Variants in PLCXD3 observed in about 807,000 individuals in gnomAD.
PLCXD3 encodes the protein PI-PLC X domain-containing protein 3.
In PLCXD3, 19 loss-of-function variants were observed where a neutral mutation model predicts 25.5. That is an observed-to-expected ratio of 0.75 (90% CI 0.52 to 1.09). PLCXD3 has a LOEUF of 1.09. PLCXD3 is among the 50% of genes least tolerant of loss of function. The probability of loss-of-function intolerance (pLI) is 0.00; values close to 1 mark genes in which losing one functional copy is unlikely to be tolerated. For synonymous variants in PLCXD3, 174 were observed against 137.6 expected (o/e 1.26, Z -1.85); for missense variants, 411 against 388.1 (o/e 1.06, Z -0.50).
intron 1 of PLCXD3, among the ~76,000 whole-genome samples, chr5:41,460,261 T>C (rs1438393628): frequency 6.6e-6 from 1 of 151,900 alleles, no homozygotes; most frequent in East Asian, 1.9e-4. Flanking sequence ...TAATTCTCAA[T>C]GGTGTTGGCT....
At chr5:41,436,732 A>G (rs978089435) in intron 1 of PLCXD3, among the ~76,000 whole-genome samples, 5 of 152,218 alleles carry the variant, frequency 3.3e-5, no homozygotes, top group Non-Finnish European at 7.3e-5. Context: ...GAAGAAATCA[A>G]AAACTACTTC....
rs112726707 is a variant in PLCXD3, at chr5:41,426,872, G to T, written c.104-44338C>A. 7.9e-3 allele frequency among the ~76,000 whole-genome samples: 1,206 copies of T among 152,050 alleles called. 23 individuals are homozygous for T. The highest frequency in any genetic ancestry group is 0.028 in the African/African-American group (1,143 of 41,518). ...TTTTCTGAAAATGTCTATATTTTGT[G>T]CTCATTTAATAATAATCTATCTAAA... On this transcript the variant is annotated intron_variant, in intron 1 of 2. Coordinates refer to ENST00000377801, the MANE Select transcript of PLCXD3 (RefSeq NM_001005473.3).
Position 41,338,782 on chromosome 5 carries a change from C to G in PLCXD3, c.813-25012G>C, listed in dbSNP as rs372133884. ...TATCTTCCCTTATTCTTCTTAAATA[C>G]CCCCATTTACTTTCCTTAGATTTTT... On this transcript the variant is annotated intron_variant, in intron 2 of 2. Coordinates refer to ENST00000377801, the MANE Select transcript of PLCXD3 (RefSeq NM_001005473.3). Among the ~76,000 whole-genome samples the G allele has an allele frequency of 3.9e-5, 6 of 152,198 alleles. 1 individual carries two copies. Among genetic ancestry groups the G allele is most frequent in the African/African-American group, 1.4e-4 (6 of 41,538 alleles).
intron 2 of PLCXD3, among the ~76,000 whole-genome samples, chr5:41,365,532 C>T (rs895628886): frequency 5.1e-4 from 78 of 152,326 alleles, no homozygotes; most frequent in African/African-American, 1.8e-3. Flanking sequence ...AGGACTGCCT[C>T]TCCAGTCCCC....
chr5:41,339,215 A>G (rs1283128761), intron 2 of PLCXD3, among the ~76,000 whole-genome samples: 3 of 152,124 alleles, frequency 2.0e-5, no homozygotes, highest in Non-Finnish European at 4.4e-5. Context: ...TAAAGCATGC[A>G]GGAGCTGAGA....
At chr5:41,345,381 C>T (rs539986832) in intron 2 of PLCXD3, among the ~76,000 whole-genome samples, 1 of 152,204 alleles carries the variant, frequency 6.6e-6, no homozygotes. Flanking sequence ...GAAATTGGAA[C>T]CCATTATGCT....
intron 1 of PLCXD3, among the ~76,000 whole-genome samples, chr5:41,404,380 G>A (rs752367847): frequency 8.6e-5 from 13 of 151,466 alleles, no homozygotes; most frequent in Admixed American, 4.6e-4. Flanking sequence ...GGTATAACTC[G>A]GCACAAACAT....
intron 1 of PLCXD3, among the ~76,000 whole-genome samples, chr5:41,486,777 C>G (rs1289555408): frequency 1.3e-5 from 2 of 152,112 alleles, no homozygotes. Context: ...GTATATTATC[C>G]TCTTGAATTC....
chr5:41,399,070 A>G (rs1746099582), intron 1 of PLCXD3, among the ~76,000 whole-genome samples: 2 of 152,204 alleles, frequency 1.3e-5, no homozygotes, highest in African/African-American at 4.8e-5. Context: ...GAACAATGGG[A>G]AAAGAAATAA....
At chr5:41,319,982 A>G (rs941166070) in intron 2 of PLCXD3, among the ~76,000 whole-genome samples, 2 of 152,178 alleles carry the variant, frequency 1.3e-5, no homozygotes, top group Non-Finnish European at 1.5e-5. Context: ...GAGCAACTAC[A>G]TGCCAATAAA....
At chr5:41,344,344 C>G (rs1167674894) in intron 2 of PLCXD3, among the ~76,000 whole-genome samples, 1 of 152,116 alleles carries the variant, frequency 6.6e-6, no homozygotes, top group Non-Finnish European at 1.5e-5. Context: ...ATTTATTCAG[C>G]TCTTATTCAA....
At chr5:41,367,652 C>T (rs80288243) in intron 2 of PLCXD3, among the ~76,000 whole-genome samples, 91,681 of 151,976 alleles carry the variant, frequency 0.6, 28,430 homozygotes, top group South Asian at 0.75. Context: ...TAATTAGATC[C>T]TATTTGTCAA....
intron 1 of PLCXD3, among the ~76,000 whole-genome samples, chr5:41,497,729 T>C (rs1271657685): frequency 6.6e-6 from 1 of 151,820 alleles, no homozygotes; most frequent in African/African-American, 2.4e-5. Context: ...AGAATACACA[T>C]TCTTCTCAAG....
At chr5:41,428,379 TTTGTTTTTGTTTTTG>T (rs1683348797) in intron 1 of PLCXD3, among the ~76,000 whole-genome samples, 1 of 118,658 alleles carries the variant, frequency 8.4e-6, no homozygotes, top group South Asian at 2.4e-4. Context: ...AATGAGTTTT[TTTGTTTTTGTTTTTG>T]TTTTTTTTAG....
chr5:41,352,171 C>G (rs1237070385), intron 2 of PLCXD3, among the ~76,000 whole-genome samples: 1 of 152,184 alleles, frequency 6.6e-6, no homozygotes, highest in East Asian at 1.9e-4. Flanking sequence ...GCAGAAGACA[C>G]CATCATCTGA....
At chr5:41,495,715 G>T (rs1237387775) in intron 1 of PLCXD3, among the ~76,000 whole-genome samples, 3 of 152,120 alleles carry the variant, frequency 2.0e-5, no homozygotes, top group Non-Finnish European at 4.4e-5. Context: ...TCACAGAGAA[G>T]GTTTGAGAGT....
At chr5:41,479,821 T>G (rs1748359801) in intron 1 of PLCXD3, among the ~76,000 whole-genome samples, 1 of 152,138 alleles carries the variant, frequency 6.6e-6, no homozygotes, top group Non-Finnish European at 1.5e-5. Flanking sequence ...AAGAGGCAAA[T>G]TCTATATTTT....
At chr5:41,340,640 G>T (rs1744112425) in intron 2 of PLCXD3, among the ~76,000 whole-genome samples, 3 of 152,110 alleles carry the variant, frequency 2.0e-5, no homozygotes, top group Admixed American at 2.0e-4. Flanking sequence ...CCAGGGACAG[G>T]CCAAGGCAAG....
chr5:41,434,858 C>G (rs1325605824), intron 1 of PLCXD3, among the ~76,000 whole-genome samples: 1 of 152,088 alleles, frequency 6.6e-6, no homozygotes, highest in African/African-American at 2.4e-5. Flanking sequence ...GCTGGCATTA[C>G]TGTGGAGGCA....
Sources: allele counts gnomAD v4.1 joint callset (sites outside exome capture counted in the v4.1 genomes callset), GRCh38; gene constraint gnomAD v4.1.1; transcripts MANE v1.5; gene names NCBI Gene and HGNC (gene_info 2026-07-23, HGNC 2026-07-21).